The following TNFRSF11B variants were observed in gnomAD, a reference collection of about 807,000 sequenced individuals.
TNFRSF11B encodes tumor necrosis factor receptor superfamily member 11B.
A neutral mutation model predicts 43.4 loss-of-function variants in TNFRSF11B; 16 were observed. The ratio of observed to expected loss-of-function variants is 0.37; its 90% CI spans 0.25 to 0.56. TNFRSF11B has a LOEUF of 0.56. Ranked by LOEUF, TNFRSF11B falls within the 20% of genes least tolerant of loss-of-function variation. The pLI, the probability that TNFRSF11B is intolerant of heterozygous loss-of-function variation, is 0.80. For missense variants in TNFRSF11B, 444 were observed against 490.1 expected, an observed-to-expected ratio of 0.91 and a Z score of 0.89; for synonymous variants, 185 against 181.8, an observed-to-expected ratio of 1.02 and a Z score of -0.14.
At chr8:118,926,977 A>C (rs1467945775) in intron 3 of TNFRSF11B, among the ~76,000 whole-genome samples, 1 of 152,220 alleles carries the variant, frequency 6.6e-6, no homozygotes, top group Non-Finnish European at 1.5e-5. Context: ...TTAGAGTGAA[A>C]TATTGTTGTA....
chr8:118,949,423 A>G (rs1175025226), intron 1 of TNFRSF11B, among the ~76,000 whole-genome samples: 1 of 152,172 alleles, frequency 6.6e-6, no homozygotes, highest in Non-Finnish European at 1.5e-5. Context: ...GCATCATGCT[A>G]GGAGCTAGTG....
At chr8:118,932,759 G>A (rs1812346945) in intron 2 of TNFRSF11B, among the ~76,000 whole-genome samples, 172 bp downstream of exon 2, 1 of 151,740 alleles carries the variant, frequency 6.6e-6, no homozygotes, top group Non-Finnish European at 1.5e-5. Flanking sequence ...GTATTCCTCT[G>A]AGCAATGGTC....
intron 1 of TNFRSF11B, among the ~76,000 whole-genome samples, chr8:118,938,040 T>C (rs1205530563): frequency 6.6e-6 from 1 of 152,234 alleles, no homozygotes; most frequent in African/African-American, 2.4e-5. Context: ...GTCACAAATA[T>C]ACAAATTTCT....
chr8:118,942,353 T>G (rs11573858), intron 1 of TNFRSF11B, among the ~76,000 whole-genome samples: 233 of 151,786 alleles, frequency 1.5e-3, no homozygotes, highest in African/African-American at 5.5e-3. Context: ...TCACATTACC[T>G]TATGAATCCT....
intron 1 of TNFRSF11B, among the ~76,000 whole-genome samples, chr8:118,948,759 T>C (rs1304663196): frequency 1.4e-5 from 2 of 147,710 alleles, no homozygotes; most frequent in Non-Finnish European, 3.0e-5. Flanking sequence ...TTCATTCTCT[T>C]AAAACAAAAC....
At chr8:118,937,866 AC>A (rs1244628717) in intron 1 of TNFRSF11B, among the ~76,000 whole-genome samples, 3 of 152,216 alleles carry the variant, frequency 2.0e-5, no homozygotes, top group Admixed American at 6.5e-5. Flanking sequence ...GCAGCATGAG[AC>A]TTAGCAAACA....
chr8:118,943,956 G>A (rs1177153462), intron 1 of TNFRSF11B, among the ~76,000 whole-genome samples: 1 of 152,122 alleles, frequency 6.6e-6, no homozygotes, highest in Non-Finnish European at 1.5e-5. Flanking sequence ...AGTTTCAGCA[G>A]CAGAAGACAG....
At chr8:118,941,683 T>C (rs185012990) in intron 1 of TNFRSF11B, among the ~76,000 whole-genome samples, 63 of 151,836 alleles carry the variant, frequency 4.1e-4, no homozygotes, top group African/African-American at 1.5e-3. Context: ...GGGAATTTTA[T>C]AGACAATTAA....
chr8:118,929,167 C>A (rs1586954366), intron 2 of TNFRSF11B: 1 of 540,430 alleles, frequency 1.9e-6, no homozygotes, highest in East Asian at 3.3e-5. Flanking sequence ...TCGTTACCTA[C>A]AAAACGCTCA....
chr8:118,943,744 T>G (rs1402432049), intron 1 of TNFRSF11B, among the ~76,000 whole-genome samples: 3 of 152,126 alleles, frequency 2.0e-5, no homozygotes, highest in Admixed American at 6.5e-5. Context: ...CTTTTTGGCT[T>G]GGCTTAAATG....
At chr8:118,936,575 T>C (rs550635559) in intron 1 of TNFRSF11B, among the ~76,000 whole-genome samples, 13 of 152,266 alleles carry the variant, frequency 8.5e-5, no homozygotes, top group African/African-American at 2.9e-4. Flanking sequence ...ACAGGACAGA[T>C]CACCTTAACA....
In TNFRSF11B at chr8:118,924,672, G is replaced by A. The variant is rs370157044; in HGVS notation, c.908C>T (p.Pro303Leu). 8.7e-6 allele frequency: 14 copies of A among 1,613,914 alleles called. No homozygotes were observed. The African/African-American group carries it at 1.2e-4, about 14-fold the overall frequency. The change falls in exon 5 of 5, where the codon CCG (proline) becomes CTG (leucine). Residue 303 changes from proline (P) to leucine (L), a missense_variant. Transcript: ENST00000297350. ...EQLRSLMESL[P>L]GKKVGAEDIE... ...GTCTTCTGCTCCCACTTTCTTTCCC[G>A]GTAAGCTTTCCATCAAGCTACGAAG... is the stretch of plus-strand genomic sequence containing the variant.
Position 118,924,504 on chromosome 8 carries a change from T to C in TNFRSF11B, c.1076A>G (p.Lys359Arg). 1 of 1,614,064 alleles carries C rather than the reference T, an allele frequency of 6.2e-7. No homozygotes were observed. Among genetic ancestry groups the C allele is most frequent in the East Asian group, 2.2e-5 (1 of 44,888 alleles). The change falls in exon 5 of 5, where the codon AAA (lysine) becomes AGA (arginine). Residue 359 changes from lysine (K) to arginine (R), a missense_variant. Physicochemically the swap from Lys to Arg is conservative, Grantham distance 26. Transcript: ENST00000297350. ...LKHSKTYHFP[K>R]TVTQSLKKTI... is the part of the protein sequence containing the mutation. ...CTTCTTTAGACTCTGAGTGACAGTT[T>C]TGGGAAAGTGGTACGTCTTTGAGTG...
At position 118,951,787 on chromosome 8, in the gene TNFRSF11B, C is replaced by G. The variant is rs1412374839; in HGVS notation, c.30+5G>C. 7 of 1,590,610 alleles carry G rather than the reference C, an allele frequency of 4.4e-6. No individual in the cohort carries two copies. In the Admixed American group the frequency reaches 1.0e-4, roughly 24 times the overall value. On this transcript the variant is annotated splice_donor_5th_base_variant and intron_variant, in intron 1 of 4. Transcript: ENST00000297350. Reference sequence around the variant, plus strand: ...GGGCACCCGTCGGCTGGCCCAGGGACTTACCACGAGCGCGCAGCACAGCAA... The same window carrying G: ...GGGCACCCGTCGGCTGGCCCAGGGAGTTACCACGAGCGCGCAGCACAGCAA...
chr8:118,924,404 C>T lies in TNFRSF11B; in HGVS notation c.1176G>A (p.Gln392=). The change falls in exon 5 of 5, where the codon CAG becomes CAA. Residue 392 remains glutamine (Q), a synonymous_variant. Transcript: ENST00000297350. ...AGCAGCTTATTTTTACTGATTGGAC[C>T]TGGTTACCTATCATTTCTAAAAATA... ...QKLFLEMIGN[Q]VQSVKISCL The T allele has an allele frequency of 6.2e-7, 1 of 1,614,100 alleles. No individual in the cohort carries two copies. Among genetic ancestry groups the T allele is most frequent in the Non-Finnish European group, 8.5e-7 (1 of 1,179,980 alleles).
intron 1 of TNFRSF11B, among the ~76,000 whole-genome samples, chr8:118,939,059 T>A (rs1812442635): frequency 1.3e-5 from 2 of 152,302 alleles, no homozygotes; most frequent in South Asian, 4.1e-4. Flanking sequence ...TTAGCTAAAC[T>A]TCTGGTCAGT....
chr8:118,947,652 A>C (rs1251256998), intron 1 of TNFRSF11B, among the ~76,000 whole-genome samples: 1 of 152,226 alleles, frequency 6.6e-6, no homozygotes, highest in Non-Finnish European at 1.5e-5. Flanking sequence ...TTTTATATAC[A>C]CACACAAAGT....
At chr8:118,947,961 A>G (rs1384567445) in intron 1 of TNFRSF11B, among the ~76,000 whole-genome samples, 1 of 152,116 alleles carries the variant, frequency 6.6e-6, no homozygotes, top group African/African-American at 2.4e-5. Flanking sequence ...CTTTCTTTTT[A>G]TTACTTCTTT....
intron 1 of TNFRSF11B, among the ~76,000 whole-genome samples, chr8:118,949,756 A>G (rs1488453954): frequency 6.6e-6 from 1 of 152,212 alleles, no homozygotes; most frequent in Non-Finnish European, 1.5e-5. Context: ...AATAGTGTCT[A>G]TCTTGCTTTT....
Sources: allele counts gnomAD v4.1 joint callset (sites outside exome capture counted in the v4.1 genomes callset), GRCh38; gene constraint gnomAD v4.1.1; transcripts MANE v1.5; gene names NCBI Gene and HGNC (gene_info 2026-07-23, HGNC 2026-07-21).